The following NRXN3 variants were observed in gnomAD, a reference collection of about 807,000 sequenced individuals.
NRXN3 encodes the protein neurexin III.
NRXN3 carries 32 observed loss-of-function variants against 137.6 expected under a neutral mutation model. That is an observed-to-expected ratio of 0.23 (90% CI 0.18 to 0.31). NRXN3 has a LOEUF of 0.31. NRXN3 is among the 10% of genes least tolerant of loss of function. The pLI is 1.00. For synonymous variants in NRXN3, 798 were observed against 784.5 expected (o/e 1.02, Z -0.29); for missense variants, 1,574 against 2,062.5 (o/e 0.76, Z 4.59).
At position 78,588,005 on chromosome 14, in the gene NRXN3, G is replaced by T. The variant is rs576888016; in HGVS notation, c.758-57115G>T. ...TTTGCACAAGGACTGAAATAACCAA[G>T]ATGATTAATAATGTACTCAAAGCAA... On this transcript the variant is annotated intron_variant, in intron 4 of 20. Coordinates refer to ENST00000335750, the MANE Select transcript of NRXN3 (RefSeq NM_001330195.2). Among the ~76,000 whole-genome samples the T allele has an allele frequency of 2.6e-5, 4 of 152,186 alleles. No individual in the cohort carries two copies. The South Asian group carries it at 8.3e-4, about 32-fold the overall frequency.
intron 4 of NRXN3, among the ~76,000 whole-genome samples, chr14:78,418,529 ACTGT>A (rs2093273121): frequency 6.6e-6 from 1 of 152,152 alleles, no homozygotes; most frequent in Non-Finnish European, 1.5e-5. Flanking sequence ...CCCCTTTCTT[ACTGT>A]AATTTGCAGA....
intron 6 of NRXN3, among the ~76,000 whole-genome samples, chr14:78,664,496 T>A (rs750509379): frequency 4.6e-5 from 7 of 152,212 alleles, no homozygotes; most frequent in Non-Finnish European, 1.0e-4. Flanking sequence ...TTCCCCACTT[T>A]CAATGAAAAA....
rs536309778 is a variant in NRXN3, at chr14:78,843,984, C to A, written c.2275+33640C>A. Among the ~76,000 whole-genome samples, 12 of 152,170 alleles carry A rather than the reference C, an allele frequency of 7.9e-5. No individual in the cohort carries two copies. In the South Asian group the frequency reaches 2.5e-3, roughly 32 times the overall value. On this transcript the variant is annotated intron_variant, in intron 10 of 20. Transcript: ENST00000335750. ...TTCCTGTGGCTTCCAAGCAAATTAC[C>A]ACCAACCTGGTGGCTTACAAAAATA...
intron 15 of NRXN3, among the ~76,000 whole-genome samples, chr14:79,273,909 A>G (rs1379366507): frequency 6.6e-6 from 1 of 151,858 alleles, no homozygotes; most frequent in East Asian, 1.9e-4. Context: ...AGCCTGGCCA[A>G]CATGGTGAAA....
At chr14:78,642,103 T>G (rs1301956388) in intron 4 of NRXN3, among the ~76,000 whole-genome samples, 1 of 152,184 alleles carries the variant, frequency 6.6e-6, no homozygotes, top group Admixed American at 6.5e-5. Flanking sequence ...CACAGTTCCA[T>G]GGAATCATCT....
intron 17 of NRXN3, among the ~76,000 whole-genome samples, chr14:79,685,845 G>A (rs1304574974): frequency 6.6e-6 from 1 of 152,152 alleles, no homozygotes; most frequent in African/African-American, 2.4e-5. Flanking sequence ...ATATGAAAGA[G>A]AAGTCTAATA....
At chr14:79,061,037 T>G (rs924292701) in intron 15 of NRXN3, among the ~76,000 whole-genome samples, 12 of 152,214 alleles carry the variant, frequency 7.9e-5, no homozygotes, top group African/African-American at 2.9e-4. Flanking sequence ...CAGTCAGGCA[T>G]CTACTTAGTG....
At chr14:79,235,443 G>A (rs1281531099) in intron 15 of NRXN3, among the ~76,000 whole-genome samples, 4 of 152,054 alleles carry the variant, frequency 2.6e-5, no homozygotes, top group African/African-American at 9.7e-5. Context: ...CTGACCTTTG[G>A]GCAAATGCCT....
At chr14:78,565,150 G>C (rs2096825612) in intron 4 of NRXN3, among the ~76,000 whole-genome samples, 1 of 152,178 alleles carries the variant, frequency 6.6e-6, no homozygotes, top group Non-Finnish European at 1.5e-5. Context: ...AAGATGCTCA[G>C]TTAATATTCA....
At chr14:78,367,404 A>C (rs1382188372) in intron 4 of NRXN3, among the ~76,000 whole-genome samples, 1 of 152,128 alleles carries the variant, frequency 6.6e-6, no homozygotes, top group African/African-American at 2.4e-5. Context: ...CAATTAATCA[A>C]TCTTCATCTT....
Position 78,784,193 on chromosome 14 carries a change from G to A in NRXN3, c.2045-19427G>A, listed in dbSNP as rs140164559. 1.3e-4 allele frequency among the ~76,000 whole-genome samples: 20 copies of A among 152,234 alleles called. No homozygotes were observed. The East Asian group carries it at 3.3e-3, about 25-fold the overall frequency. ...GGGGAATTGGGGAATACCTTTCTGA[G>A]AAGATGATAGTTAAGCTATTTGGGC... On this transcript the variant is annotated intron_variant, in intron 8 of 20. Coordinates refer to ENST00000335750, the MANE Select transcript of NRXN3 (RefSeq NM_001330195.2).
At chr14:78,576,083 A>G (rs986571400) in intron 4 of NRXN3, among the ~76,000 whole-genome samples, 19 of 152,238 alleles carry the variant, frequency 1.2e-4, no homozygotes, top group African/African-American at 4.6e-4. Flanking sequence ...ATGGTTTGAC[A>G]TGTATTAGTC....
At chr14:79,114,933 G>T (rs2054148430) in intron 15 of NRXN3, among the ~76,000 whole-genome samples, 1 of 152,060 alleles carries the variant, frequency 6.6e-6, no homozygotes, top group African/African-American at 2.4e-5. Flanking sequence ...ACTCCCAGAG[G>T]TATTATCTTT....
chr14:78,337,361 A>C (rs1400472666), intron 4 of NRXN3, among the ~76,000 whole-genome samples: 1 of 152,150 alleles, frequency 6.6e-6, no homozygotes, highest in Non-Finnish European at 1.5e-5. Context: ...CTGCTCACTT[A>C]TCCTAGTTAT....
At chr14:79,471,229 C>G (rs1321481195) in intron 16 of NRXN3, among the ~76,000 whole-genome samples, 1 of 152,082 alleles carries the variant, frequency 6.6e-6, no homozygotes, top group East Asian at 1.9e-4. Flanking sequence ...GCAGGAGTGG[C>G]AAATAGGCTT....
rs200409976 is a variant in NRXN3 at position 79,753,715 on chromosome 14, T to TATA, written c.4015-51377_4015-51375dup. 8.7e-3 allele frequency among the ~76,000 whole-genome samples: 1,308 copies of TATA among 150,632 alleles called. 20 individuals are homozygous for TATA. The highest frequency in any genetic ancestry group is 0.044 in the East Asian group (226 of 5,128). ...TGCATATGTACCCTAAAACTTAAAG[T>TATA]ATAATAATAATAATAATAATAAAAA... On this transcript the variant is annotated intron_variant, in intron 19 of 20. Transcript: ENST00000335750.
At chr14:79,086,008 T>C (rs926302712) in intron 15 of NRXN3, among the ~76,000 whole-genome samples, 1 of 152,172 alleles carries the variant, frequency 6.6e-6, no homozygotes, top group African/African-American at 2.4e-5. Context: ...ATAATTAAGA[T>C]CCCTAAGGAA....
At chr14:78,524,764 C>G (rs1215592118) in intron 4 of NRXN3, among the ~76,000 whole-genome samples, 1 of 152,044 alleles carries the variant, frequency 6.6e-6, no homozygotes, top group Non-Finnish European at 1.5e-5. Flanking sequence ...TTCTATTAAG[C>G]TCCCTTTTCA....
chr14:79,473,632 C>T (rs116794425), intron 16 of NRXN3, among the ~76,000 whole-genome samples: 2,937 of 152,160 alleles, frequency 0.019, 109 homozygotes, highest in African/African-American at 0.065. Context: ...AGACTGGTAA[C>T]GCAAATAAAA....
Sources: gnomAD v4.1 joint callset for allele counts (sites outside exome capture counted in the v4.1 genomes callset) on GRCh38, gnomAD v4.1.1 for gene constraint, MANE v1.5 for transcripts, NCBI Gene and HGNC (gene_info 2026-07-23, HGNC 2026-07-21) for gene names.